The following PAPPA2 variants were observed in gnomAD, a reference collection of about 807,000 sequenced individuals.
PAPPA2 encodes pappalysin-2.
Under a neutral mutation model 176.4 loss-of-function variants are expected in PAPPA2, and 86 were observed. That is an observed-to-expected ratio of 0.49 (90% CI 0.41 to 0.58). PAPPA2 has a LOEUF of 0.58. Ranked by LOEUF, PAPPA2 falls within the 20% of genes least tolerant of loss-of-function variation. The pLI is 0.00. For missense variants in PAPPA2, 2,073 were observed against 2,256.9 expected, an observed-to-expected ratio of 0.92 and a Z score of 1.65; for synonymous variants, 809 against 852.2, an observed-to-expected ratio of 0.95 and a Z score of 0.88.
chr1:176,830,498 G>A (rs1392324371), intron 21 of PAPPA2, among the ~76,000 whole-genome samples: 5 of 152,160 alleles, frequency 3.3e-5, no homozygotes, highest in African/African-American at 4.8e-5. Context: ...GCAGAGTTGC[G>A]GACCTCTTTT....
At chr1:176,697,210 C>A (rs2102815654) in intron 7 of PAPPA2, among the ~76,000 whole-genome samples, 1 of 152,160 alleles carries the variant, frequency 6.6e-6, no homozygotes, top group South Asian at 2.1e-4. Flanking sequence ...TAAGGCAAAC[C>A]AAATCAACTT....
At chr1:176,582,950 G>A (rs1318072990) in intron 2 of PAPPA2, among the ~76,000 whole-genome samples, 3 of 152,108 alleles carry the variant, frequency 2.0e-5, no homozygotes, top group Admixed American at 1.3e-4. Flanking sequence ...ATCTGTTCAA[G>A]TTTTATATCT....
At chr1:176,597,239 T>G (rs1385074788) in intron 3 of PAPPA2, among the ~76,000 whole-genome samples, 1 of 152,228 alleles carries the variant, frequency 6.6e-6, no homozygotes, top group Non-Finnish European at 1.5e-5. Flanking sequence ...AAGTCTTGTC[T>G]GTAAACTAGG....
intron 1 of PAPPA2, among the ~76,000 whole-genome samples, chr1:176,549,747 A>G (rs1573025765): frequency 6.6e-6 from 1 of 152,288 alleles, no homozygotes; most frequent in East Asian, 1.9e-4. Flanking sequence ...ATGTCACACA[A>G]TCTTTTGGTC....
At chr1:176,589,270 A>G (rs1653508344) in intron 2 of PAPPA2, among the ~76,000 whole-genome samples, 1 of 152,192 alleles carries the variant, frequency 6.6e-6, no homozygotes, top group Non-Finnish European at 1.5e-5. Flanking sequence ...GACTCTATCA[A>G]TTCCAAGTGC....
rs750249830 is a variant in PAPPA2 at position 176,709,981 on chromosome 1, A to G, written c.3458-2A>G. Reference sequence around the variant, plus strand: ...TCTGTGTCACACAATATTTCTTGGCAGGAGAGCCAAGCCTTTGCTACATGT... The same window carrying G: ...TCTGTGTCACACAATATTTCTTGGCGGGAGAGCCAAGCCTTTGCTACATGT... On this transcript the variant is annotated splice_acceptor_variant, in intron 10 of 22. Coordinates refer to ENST00000367662, the MANE Select transcript of PAPPA2 (RefSeq NM_020318.3). LOFTEE classifies it high-confidence loss of function. 1.3e-6 allele frequency: 2 copies of G among 1,590,228 alleles called. No individual in the cohort carries two copies. Among genetic ancestry groups the G allele is most frequent in the Non-Finnish European group, 1.7e-6 (2 of 1,169,842 alleles).
intron 21 of PAPPA2, among the ~76,000 whole-genome samples, chr1:176,800,503 C>T (rs1324784139): frequency 6.6e-6 from 1 of 152,060 alleles, no homozygotes; most frequent in African/African-American, 2.4e-5. Context: ...TGTCTAAAAC[C>T]AATTTTCTTT....
intron 17 of PAPPA2, among the ~76,000 whole-genome samples, chr1:176,784,672 C>T (rs546316555): frequency 9.2e-5 from 14 of 151,892 alleles, no homozygotes; most frequent in Non-Finnish European, 1.0e-4. Context: ...CTACAACCTC[C>T]GCCTCCCAGG....
intron 17 of PAPPA2, among the ~76,000 whole-genome samples, chr1:176,772,596 C>T (rs990703305): frequency 6.6e-6 from 1 of 152,148 alleles, no homozygotes; most frequent in African/African-American, 2.4e-5. Flanking sequence ...CTGCCCTTTC[C>T]ACCAGAGGGA....
Position 176,685,530 on chromosome 1 carries a change from G to A in PAPPA2, c.2138-4607G>A, listed in dbSNP as rs78032480. On this transcript the variant is annotated intron_variant, in intron 4 of 22. Coordinates refer to ENST00000367662, the MANE Select transcript of PAPPA2 (RefSeq NM_020318.3). ...GTGTGTGCAGATTCTAGCTTCAGAA[G>A]ATAATGCTGGTTCATTTGAATATTA... is the stretch of plus-strand genomic sequence containing the variant. 2.6e-5 allele frequency among the ~76,000 whole-genome samples: 4 copies of A among 152,290 alleles called. No individual in the cohort carries two copies. In the East Asian group the frequency reaches 7.7e-4, roughly 29 times the overall value.
chr1:176,623,441 A>T (rs1362432354), intron 3 of PAPPA2, among the ~76,000 whole-genome samples: 2 of 152,262 alleles, frequency 1.3e-5, no homozygotes, highest in Non-Finnish European at 2.9e-5. Context: ...AACTTCAGCA[A>T]TGCCAGGAAG....
At chr1:176,840,412 G>A (rs987229544) in intron 22 of PAPPA2, 141 bp downstream of exon 22, 5 of 663,974 alleles carry the variant, frequency 7.5e-6, no homozygotes, top group Non-Finnish European at 1.0e-5. Context: ...AAACATTGGA[G>A]CTTCTAAAGT....
intron 3 of PAPPA2, among the ~76,000 whole-genome samples, chr1:176,648,432 T>C (rs1573190945): frequency 6.6e-6 from 1 of 151,572 alleles, no homozygotes; most frequent in Non-Finnish European, 1.5e-5. Context: ...TTATTTTTTC[T>C]CTTGCCTAAC....
At chr1:176,489,920 G>T (rs994603476) in intron 1 of PAPPA2, among the ~76,000 whole-genome samples, 2 of 152,136 alleles carry the variant, frequency 1.3e-5, no homozygotes, top group Non-Finnish European at 2.9e-5. Flanking sequence ...CTAGCATGTG[G>T]TATATATTCA....
rs115659800 is a variant in PAPPA2, at chr1:176,697,176, C to T, written c.2746+1317C>T. On this transcript the variant is annotated intron_variant, in intron 7 of 22. Coordinates refer to ENST00000367662, the MANE Select transcript of PAPPA2 (RefSeq NM_020318.3). ...GAGGTAAAAGGAATTAGAAGTTCTACGTTCTAATTCTTGTATTGTGTCTTA... is the reference window on the plus strand; with the variant it reads ...GAGGTAAAAGGAATTAGAAGTTCTATGTTCTAATTCTTGTATTGTGTCTTA... Among the ~76,000 whole-genome samples the T allele has an allele frequency of 2.1e-3, 323 of 152,166 alleles. 1 individual carries two copies. The highest frequency in any genetic ancestry group is 6.4e-3 in the African/African-American group (264 of 41,522).
chr1:176,817,297 AT>A (rs1186452758), intron 21 of PAPPA2, among the ~76,000 whole-genome samples: 2 of 152,120 alleles, frequency 1.3e-5, no homozygotes, highest in African/African-American at 4.8e-5. Flanking sequence ...AAAACACAAG[AT>A]ATTTAGAGAA....
At chr1:176,828,943 C>T (rs955915810) in intron 21 of PAPPA2, among the ~76,000 whole-genome samples, 3 of 151,926 alleles carry the variant, frequency 2.0e-5, no homozygotes, top group African/African-American at 7.3e-5. Flanking sequence ...ATGGAGGTTG[C>T]AGTGAGCCGA....
intron 1 of PAPPA2, among the ~76,000 whole-genome samples, chr1:176,533,953 G>T (rs1297480795): frequency 6.6e-6 from 1 of 152,146 alleles, no homozygotes; most frequent in South Asian, 2.1e-4. Context: ...TGCAGACTTA[G>T]CTCATATAAA....
intron 2 of PAPPA2, among the ~76,000 whole-genome samples, chr1:176,567,191 A>G (rs887037787): frequency 6.6e-6 from 1 of 152,222 alleles, no homozygotes; most frequent in East Asian, 1.9e-4. Flanking sequence ...TAAAGAGAAC[A>G]TCCAGTAAAG....
Sources: gnomAD v4.1 joint callset for allele counts (sites outside exome capture counted in the v4.1 genomes callset) on GRCh38, gnomAD v4.1.1 for gene constraint, MANE v1.5 for transcripts, NCBI Gene and HGNC (gene_info 2026-07-23, HGNC 2026-07-21) for gene names.